S100A2: variants seen among roughly 807,000 people sequenced by gnomAD.
S100A2 encodes the protein S100 calcium binding protein A2.
In S100A2, 5 loss-of-function variants were observed where a neutral mutation model predicts 4.3. That is an observed-to-expected ratio of 1.16 (90% confidence interval 0.61 to 2.44). The LOEUF is 2.44. Ranked by LOEUF, S100A2 falls within the 30% of genes most tolerant of loss-of-function variation. The pLI, the probability that S100A2 is intolerant of heterozygous loss-of-function variation, is 0.01. For missense variants in S100A2, 103 were observed against 114.7 expected (o/e 0.90, Z 0.47); for synonymous variants, 44 against 46.0 (o/e 0.96, Z 0.17).
At chr1:153,565,045 C>A (rs1665978462) in intron 1 of S100A2, among the ~76,000 whole-genome samples, 2 of 151,688 alleles carry the variant, frequency 1.3e-5, no homozygotes, top group Non-Finnish European at 2.9e-5. Context: ...GGCGCGGTGG[C>A]TTACTCCTGT....
intron 2 of S100A2, among the ~76,000 whole-genome samples, chr1:153,563,099 C>A (rs1193708574): frequency 6.6e-6 from 1 of 151,262 alleles, no homozygotes; most frequent in African/African-American, 2.4e-5. Flanking sequence ...TATGATGAAA[C>A]CCCGTCTCTA....
At chr1:153,562,969 C>CAA (rs35473116) in intron 2 of S100A2, among the ~76,000 whole-genome samples, 15,663 of 94,272 alleles carry the variant, frequency 0.17, 1,473 homozygotes, top group Non-Finnish European at 0.24. Context: ...CCCCCCACCA[C>CAA]AAAAAAAAAA....
rs1328835147 is a variant in S100A2 at position 153,561,324 on chromosome 1, C to T, written c.*115G>A. On this transcript the variant is annotated 3_prime_UTR_variant, in exon 3 of 3. Transcript: ENST00000368708. ...CTGAGCCAGCCGGGTTATGGAACAT[C>T]ACTGAGCAATTAAAATATTATCAAC... 6 of 1,317,848 alleles carry T rather than the reference C, an allele frequency of 4.6e-6. No individual in the cohort carries two copies. The African/African-American group carries it at 7.5e-5, about 16-fold the overall frequency. The allele number at this position is 1,317,848 out of a possible 1,614,324, so 81.6% of individuals were successfully genotyped here.
intron 2 of S100A2, among the ~76,000 whole-genome samples, chr1:153,562,952 A>C (rs1571248571): frequency 7.3e-6 from 1 of 137,216 alleles, no homozygotes. Context: ...ACAGAGTGAG[A>C]TCTTGTCCCC....
chr1:153,562,534 A>G (rs1276146968), intron 2 of S100A2, among the ~76,000 whole-genome samples: 1 of 152,230 alleles, frequency 6.6e-6, no homozygotes, highest in African/African-American at 2.4e-5. Flanking sequence ...GACCTGCCTC[A>G]TGTGTTCAAA....
In S100A2 at chr1:153,561,535, ACTGTTCTCATCCAGG is replaced by A. The variant is rs749795299; in HGVS notation, c.186_200del (p.Leu63_Ser67del). 2 of 1,614,140 alleles carry A rather than the reference ACTGTTCTCATCCAGG, an allele frequency of 1.2e-6. No homozygotes were observed. Among genetic ancestry groups the A allele is most frequent in the South Asian group, 2.2e-5 (2 of 91,082 alleles). On this transcript the variant is annotated inframe_deletion, in exon 3 of 3. Transcript: ENST00000368708. Reference sequence around the variant, plus strand: ...ACTCCTGGAAGTCCACCTGCTGGTCACTGTTCTCATCCAGGCTGCCCATCAGCTTCTTCAGCCCCT... The same window carrying A: ...ACTCCTGGAAGTCCACCTGCTGGTCACTGCCCATCAGCTTCTTCAGCCCCT...
Position 153,561,447 on chromosome 1 carries a change from G to A in S100A2, c.289C>T (p.Arg97Ter), listed in dbSNP as rs144054605. ...AAGTCAAGAGTTCTGCTTCAGGGTCGGTCTGGGCAGCCCTGGAAGAAGTCA... is the reference window on the plus strand; with the variant it reads ...AAGTCAAGAGTTCTGCTTCAGGGTCAGTCTGGGCAGCCCTGGAAGAAGTCA... ...CNDFFQGCPD[R>*]P The change falls in exon 3 of 3, where the codon CGA (arginine) becomes TGA (stop). Residue 97 changes from arginine (R) to a stop codon, truncating the protein, a stop_gained. Transcript: ENST00000368708. LOFTEE classifies it high-confidence loss of function. 611 of 1,612,966 alleles carry A rather than the reference G, an allele frequency of 3.8e-4. No homozygotes were observed. The highest frequency in any genetic ancestry group is 4.5e-4 in the Non-Finnish European group (526 of 1,179,164).
At chr1:153,564,063 C>A (rs1665956930) in intron 1 of S100A2, 176 bp from the exon 2 acceptor site, 1 of 605,786 alleles carries the variant, frequency 1.7e-6, no homozygotes, top group East Asian at 2.9e-5. Flanking sequence ...GGAGGCGATA[C>A]CTCCATCTCA....
intron 1 of S100A2, among the ~76,000 whole-genome samples, chr1:153,565,171 G>T (rs1187316987): frequency 6.6e-6 from 1 of 151,904 alleles, no homozygotes; most frequent in Admixed American, 6.6e-5. Flanking sequence ...AATTAGCCGG[G>T]CATGGTGGTG....
At position 153,561,381 on chromosome 1, in the gene S100A2, A is replaced by C. The variant is rs375913883; in HGVS notation, c.*58T>G. The C allele has an allele frequency of 3.8e-6, 6 of 1,559,634 alleles. No individual in the cohort carries two copies. The highest frequency in any genetic ancestry group is 2.8e-5 in the African/African-American group (2 of 72,334). ...AAAAAGTTTATTGAATACAAAACTC[A>C]AAGGCATCAACAGTCCTGGGCCCAA... On this transcript the variant is annotated 3_prime_UTR_variant, in exon 3 of 3. Transcript: ENST00000368708.
rs1665991849 is a variant in S100A2, at chr1:153,565,723, G to C, written c.-228C>G. ...AGAGTGCCAGCTCCACCACCAGCTGGGGGAGGGCTCTAGGCCAGGTCAAGG... is the reference window on the plus strand; with the variant it reads ...AGAGTGCCAGCTCCACCACCAGCTGCGGGAGGGCTCTAGGCCAGGTCAAGG... On this transcript the variant is annotated 5_prime_UTR_variant, in exon 1 of 3. Coordinates refer to ENST00000368708, the MANE Select transcript of S100A2 (RefSeq NM_005978.4). 6.6e-6 allele frequency: 1 copy of C among 152,488 alleles called. No individual in the cohort carries two copies. Among genetic ancestry groups the C allele is most frequent in the Admixed American group, 6.5e-5 (1 of 15,276 alleles). 9.4% of individuals were successfully genotyped at this position (152,488 alleles called of 1,614,324 possible).
chr1:153,562,212 G>A (rs909725475), intron 2 of S100A2, among the ~76,000 whole-genome samples: 3 of 152,186 alleles, frequency 2.0e-5, no homozygotes, highest in African/African-American at 4.8e-5. Context: ...TTGTCACCCA[G>A]GCTGTATTAT....
chr1:153,564,051 C>A, intron 1 of S100A2, 164 bp from the exon 2 acceptor site: 5 of 667,080 alleles, frequency 7.5e-6, no homozygotes, highest in Non-Finnish European at 1.2e-5. Flanking sequence ...TTCCCTGAGG[C>A]CGGAGGCGAT....
intron 2 of S100A2, among the ~76,000 whole-genome samples, chr1:153,562,490 A>C (rs1024275898): frequency 1.3e-5 from 2 of 152,202 alleles, no homozygotes; most frequent in African/African-American, 2.4e-5. Context: ...AAATTTAACC[A>C]GCCACAAAAA....
intron 1 of S100A2, among the ~76,000 whole-genome samples, chr1:153,565,093 C>T (rs900249142): frequency 6.6e-6 from 1 of 151,570 alleles, no homozygotes; most frequent in African/African-American, 2.4e-5. Flanking sequence ...GGGTGGATCA[C>T]GAGATCAGGA....
At position 153,565,038 on chromosome 1, in the gene S100A2, G is replaced by T. The variant is rs563559184; in HGVS notation, c.-11+468C>A. Among the ~76,000 whole-genome samples, 3 of 151,508 alleles carry T rather than the reference G, an allele frequency of 2.0e-5. No individual in the cohort carries two copies. In the South Asian group the frequency reaches 6.3e-4, roughly 32 times the overall value. ...AGAAAAACCCTTCAGTCGGCCGGGC[G>T]CGGTGGCTTACTCCTGTAATCCCAG... On this transcript the variant is annotated intron_variant, in intron 1 of 2. Coordinates refer to ENST00000368708, the MANE Select transcript of S100A2 (RefSeq NM_005978.4).
At chr1:153,562,854 G>A (rs1665925050) in intron 2 of S100A2, among the ~76,000 whole-genome samples, 1 of 150,662 alleles carries the variant, frequency 6.6e-6, no homozygotes, top group Admixed American at 6.7e-5. Flanking sequence ...CAGGCATGGT[G>A]ACAATACTCC....
At chr1:153,563,232 C>T (rs1665933559) in intron 2 of S100A2, among the ~76,000 whole-genome samples, 1 of 151,914 alleles carries the variant, frequency 6.6e-6, no homozygotes, top group African/African-American at 2.4e-5. Flanking sequence ...ATTAGCTGGG[C>T]GTAGTGGGAT....
rs1249958716 is a variant in S100A2, at chr1:153,561,587, T to C, written c.149A>G (p.Lys50Arg). The C allele has an allele frequency of 6.2e-7, 1 of 1,614,118 alleles. No individual in the cohort carries two copies. The highest frequency in any genetic ancestry group is 8.5e-7 in the Non-Finnish European group (1 of 1,180,016). The change falls in exon 3 of 3, where the codon AAA becomes AGA. Residue 50 changes from lysine (K) to arginine (R), a missense_variant. Transcript: ENST00000368708. ...HKELPSFVGEKVDEEGLKKLM... is the reference protein window; with the variant it reads ...HKELPSFVGERVDEEGLKKLM... Reference sequence around the variant, plus strand: ...CTTCTTCAGCCCCTCCTCATCCACTTTCTCCTGAAAGTGACAGGAAATACA... The same window carrying C: ...CTTCTTCAGCCCCTCCTCATCCACTCTCTCCTGAAAGTGACAGGAAATACA...
Sources: gnomAD v4.1 joint callset for allele counts (sites outside exome capture counted in the v4.1 genomes callset) on GRCh38, gnomAD v4.1.1 for gene constraint, MANE v1.5 for transcripts, NCBI Gene and HGNC (gene_info 2026-07-23, HGNC 2026-07-21) for gene names.